The following KAZN variants were observed in gnomAD, a reference collection of about 807,000 sequenced individuals.
The protein encoded by KAZN is kazrin.
In KAZN, 40 loss-of-function variants were observed where a neutral mutation model predicts 87.4. That is an observed-to-expected ratio of 0.46 (90% CI 0.36 to 0.60). KAZN has a LOEUF of 0.60. Ranked by LOEUF, KAZN falls within the 20% of genes least tolerant of loss-of-function variation. The pLI, the probability that KAZN is intolerant of heterozygous loss-of-function variation, is 0.00. For missense variants in KAZN, 898 were observed against 1,073.9 expected (o/e 0.84, Z 2.29); for synonymous variants, 466 against 458.3 (o/e 1.02, Z -0.22).
intron 1 of KAZN, among the ~76,000 whole-genome samples, chr1:14,803,530 T>A (rs1323980712): frequency 6.6e-6 from 1 of 152,172 alleles, no homozygotes; most frequent in East Asian, 1.9e-4. Context: ...CAATGTTGCC[T>A]CCCACCTGGA....
At chr1:14,929,840 A>G in intron 1 of KAZN, 3 of 985,474 alleles carry the variant, frequency 3.0e-6, no homozygotes, top group Non-Finnish European at 3.6e-6. Context: ...TCACAAGGAC[A>G]ACCTCTGTCT....
Position 14,328,080 on chromosome 1 carries a change from T to G in KAZN, c.249+147488T>G, listed in dbSNP as rs78193528. 8.6e-4 allele frequency among the ~76,000 whole-genome samples: 131 copies of G among 152,310 alleles called. No homozygotes were observed. The East Asian group carries it at 0.022, about 26-fold the overall frequency. On this transcript the variant is annotated intron_variant, in intron 2 of 16. Transcript: ENST00000636203. ...ATAACATTTGATACTTTTCACCCAC[T>G]ATAGACCAGGCGGAAAATAATTAAC...
intron 1 of KAZN, among the ~76,000 whole-genome samples, chr1:14,152,649 A>G (rs1363274487): frequency 2.0e-5 from 3 of 152,212 alleles, no homozygotes; most frequent in East Asian, 1.9e-4. Flanking sequence ...TCCAACAAAC[A>G]CAGTAGTGCA....
chr1:13,937,172 G>T (rs1388736783), intron 1 of KAZN, among the ~76,000 whole-genome samples: 1 of 151,538 alleles, frequency 6.6e-6, no homozygotes, highest in East Asian at 1.9e-4. Flanking sequence ...TCAGCCTCCT[G>T]AGTAGCTGGA....
intron 2 of KAZN, among the ~76,000 whole-genome samples, chr1:14,394,653 C>G (rs1662741195): frequency 6.6e-6 from 1 of 152,228 alleles, no homozygotes. Flanking sequence ...TCTTAACACT[C>G]TTCACCACTA....
chr1:15,075,400 A>G (rs1406575507), intron 8 of KAZN, among the ~76,000 whole-genome samples: 1 of 152,230 alleles, frequency 6.6e-6, no homozygotes, highest in African/African-American at 2.4e-5. Flanking sequence ...ATGAAAGAAA[A>G]TCTTCTACCT....
chr1:13,893,688 C>T, exon 1 of KAZN: 2 of 1,550,454 alleles, frequency 1.3e-6, no homozygotes, highest in Non-Finnish European at 1.7e-6. Context: ...CTGGCGACAT[C>T]CAATTCTGCC....
At chr1:14,023,791 C>T (rs766837471) in intron 1 of KAZN, among the ~76,000 whole-genome samples, 5 of 152,128 alleles carry the variant, frequency 3.3e-5, no homozygotes, top group Non-Finnish European at 7.4e-5. Flanking sequence ...GGATGAGTTC[C>T]GGCTCTGCTG....
At chr1:14,043,513 C>A (rs1003722192) in intron 1 of KAZN, among the ~76,000 whole-genome samples, 1 of 152,032 alleles carries the variant, frequency 6.6e-6, no homozygotes, top group Non-Finnish European at 1.5e-5. Context: ...GAGGAACTGT[C>A]GTACTGTTTT....
chr1:14,061,366 G>T (rs1016134071), intron 1 of KAZN, among the ~76,000 whole-genome samples: 1 of 152,150 alleles, frequency 6.6e-6, no homozygotes, highest in African/African-American at 2.4e-5. Flanking sequence ...TGGGAAAAGG[G>T]TCAGAGAAGA....
intron 1 of KAZN, among the ~76,000 whole-genome samples, chr1:14,045,853 A>G (rs1642047139): frequency 6.6e-6 from 1 of 152,206 alleles, no homozygotes; most frequent in Non-Finnish European, 1.5e-5. Flanking sequence ...ATGGATAACC[A>G]TTACTCCTGT....
chr1:14,435,934 C>G (rs1666360191), intron 2 of KAZN, among the ~76,000 whole-genome samples: 1 of 152,114 alleles, frequency 6.6e-6, no homozygotes, highest in Non-Finnish European at 1.5e-5. Context: ...TGTGTGCTGC[C>G]ACTGAGTCAC....
In KAZN at chr1:14,668,153, G is replaced by T. The variant is rs140634753; in HGVS notation, c.226+68930G>T. The stretch of plus-strand genomic sequence containing the variant: ...CCACTATTAACGAGAAGGAAAATGA[G>T]AGGGAAATGAAAGTCTCCGAGAAAC... On this transcript the variant is annotated intron_variant, in intron 1 of 14. Transcript: ENST00000376030. 3.3e-5 allele frequency among the ~76,000 whole-genome samples: 5 copies of T among 152,176 alleles called. No individual in the cohort carries two copies. The East Asian group carries it at 7.7e-4, about 23-fold the overall frequency.
chr1:14,545,855 G>A (rs1398680502), intron 2 of KAZN, among the ~76,000 whole-genome samples: 1 of 152,132 alleles, frequency 6.6e-6, no homozygotes, highest in East Asian at 1.9e-4. Flanking sequence ...AGTTATACAT[G>A]TTACTTTAGC....
intron 1 of KAZN, among the ~76,000 whole-genome samples, chr1:14,142,101 T>A (rs1008948460): frequency 6.9e-6 from 1 of 144,072 alleles, no homozygotes; most frequent in Non-Finnish European, 1.5e-5. Context: ...TTTTCCTCCC[T>A]CCTTCCCTTT....
intron 2 of KAZN, among the ~76,000 whole-genome samples, chr1:14,450,120 G>T (rs897534449): frequency 6.7e-6 from 1 of 150,086 alleles, no homozygotes; most frequent in Non-Finnish European, 1.5e-5. Context: ...GGAGAGTGCT[G>T]CCCCCCCGCC....
chr1:14,386,787 G>A (rs1661941418), intron 2 of KAZN, among the ~76,000 whole-genome samples: 1 of 151,878 alleles, frequency 6.6e-6, no homozygotes, highest in African/African-American at 2.4e-5. Context: ...TGACAATTAT[G>A]TGTCTTGGAG....
At chr1:14,022,905 AT>A (rs1294587688) in intron 1 of KAZN, among the ~76,000 whole-genome samples, 31 of 152,312 alleles carry the variant, frequency 2.0e-4, no homozygotes, top group African/African-American at 6.5e-4. Context: ...AAGTGTCTCC[AT>A]GACTTTTGAG....
intron 2 of KAZN, among the ~76,000 whole-genome samples, chr1:14,391,158 A>C (rs1417966): frequency 0.98 from 149,494 of 152,252 alleles, 73,402 homozygotes; most frequent in East Asian, 1. Context: ...GCCCCAGTGC[A>C]TTGGACTCCA....
Sources: allele counts gnomAD v4.1 joint callset (sites outside exome capture counted in the v4.1 genomes callset), GRCh38; gene constraint gnomAD v4.1.1; transcripts MANE v1.5; gene names NCBI Gene and HGNC (gene_info 2026-07-23, HGNC 2026-07-21).